Variants in RAP1GDS1 observed in about 807,000 individuals in gnomAD.
RAP1GDS1 encodes the protein Rap1 GTPase-GDP dissociation stimulator 1.
A neutral mutation model predicts 71.1 loss-of-function variants in RAP1GDS1; 35 were observed. That is an observed-to-expected ratio of 0.49 (90% CI 0.38 to 0.65). The LOEUF (loss-of-function observed/expected upper bound fraction) is 0.65, where lower values mean the gene tolerates loss of function less well. RAP1GDS1 is among the 30% of genes least tolerant of loss of function. RAP1GDS1 has a pLI of 0.00. For synonymous variants in RAP1GDS1, 229 were observed against 243.1 expected, an observed-to-expected ratio of 0.94 and a Z score of 0.54; for missense variants, 663 against 706.1, an observed-to-expected ratio of 0.94 and a Z score of 0.69.
At chr4:98,392,239 C>A (rs1332616575) in intron 6 of RAP1GDS1, 159 bp downstream of exon 6, 3 of 658,884 alleles carry the variant, frequency 4.6e-6, no homozygotes, top group Admixed American at 7.4e-5. Context: ...AAAGTAAATC[C>A]AATTAGATCT....
At chr4:98,271,402 G>T (rs545457863) in intron 1 of RAP1GDS1, among the ~76,000 whole-genome samples, 1 of 152,110 alleles carries the variant, frequency 6.6e-6, no homozygotes, top group Non-Finnish European at 1.5e-5. Context: ...GATTTGTGAT[G>T]GCTGTCAATT....
At position 98,368,428 on chromosome 4, in the gene RAP1GDS1, A is replaced by G. The variant is rs1739852838; in HGVS notation, c.362-10589A>G. 3.9e-5 allele frequency among the ~76,000 whole-genome samples: 6 copies of G among 152,182 alleles called. 1 individual carries two copies. In the South Asian group the frequency reaches 1.2e-3, roughly 32 times the overall value. Reference sequence around the variant, plus strand: ...ATGCACTGCTTTTTAATAAAAAGAGAAAGGAATGGAGATATGCCAGATTAT... The same window carrying G: ...ATGCACTGCTTTTTAATAAAAAGAGGAAGGAATGGAGATATGCCAGATTAT... On this transcript the variant is annotated intron_variant, in intron 4 of 14. Transcript: ENST00000408927.
chr4:98,325,978 C>T (rs1007549658), intron 2 of RAP1GDS1, among the ~76,000 whole-genome samples: 1 of 151,644 alleles, frequency 6.6e-6, no homozygotes, highest in Non-Finnish European at 1.5e-5. Context: ...GAATTATCAG[C>T]AGTTTACCAG....
intron 4 of RAP1GDS1, among the ~76,000 whole-genome samples, chr4:98,367,306 C>T (rs1361718162): frequency 1.3e-5 from 2 of 152,172 alleles, no homozygotes; most frequent in African/African-American, 4.8e-5. Context: ...AGTTTGGGAA[C>T]CTCCACCTAC....
intron 2 of RAP1GDS1, among the ~76,000 whole-genome samples, chr4:98,329,357 A>G (rs1004318113): frequency 6.6e-6 from 1 of 152,216 alleles, no homozygotes; most frequent in Non-Finnish European, 1.5e-5. Flanking sequence ...TGGAAACATT[A>G]TCTTTATCAT....
intron 4 of RAP1GDS1, among the ~76,000 whole-genome samples, chr4:98,368,935 G>A (rs60613860): frequency 0.17 from 26,048 of 152,060 alleles, 3,617 homozygotes; most frequent in African/African-American, 0.38. Flanking sequence ...TCACATGCTA[G>A]TCAAGACATA....
intron 5 of RAP1GDS1, among the ~76,000 whole-genome samples, chr4:98,384,754 C>G (rs569141055): frequency 6.6e-6 from 1 of 151,646 alleles, no homozygotes; most frequent in East Asian, 1.9e-4. Context: ...ATGTAAGAAG[C>G]TGAAATTTTA....
intron 4 of RAP1GDS1, among the ~76,000 whole-genome samples, chr4:98,354,353 C>T (rs187722593): frequency 2.0e-5 from 3 of 152,286 alleles, no homozygotes; most frequent in Admixed American, 6.5e-5. Flanking sequence ...TGAGCCACCG[C>T]GCCCAGCCCA....
intron 6 of RAP1GDS1, chr4:98,396,396 T>C (rs142282933): frequency 1.3e-5 from 2 of 152,320 alleles, no homozygotes; most frequent in East Asian, 1.9e-4. Flanking sequence ...CCTTGCTGAT[T>C]TCTCTGGTAT....
At chr4:98,358,052 C>T (rs1016931322) in intron 4 of RAP1GDS1, among the ~76,000 whole-genome samples, 12 of 151,972 alleles carry the variant, frequency 7.9e-5, no homozygotes, top group Middle Eastern at 3.2e-3. Context: ...TGTATAAGCA[C>T]TGATTTCACT....
chr4:98,363,197 G>A (rs1200489791), intron 4 of RAP1GDS1, among the ~76,000 whole-genome samples: 1 of 151,966 alleles, frequency 6.6e-6, no homozygotes, highest in Non-Finnish European at 1.5e-5. Context: ...TATAGAAGTA[G>A]AGTAATTGAG....
At chr4:98,391,519 T>G (rs1323482291) in intron 5 of RAP1GDS1, among the ~76,000 whole-genome samples, 3 of 152,062 alleles carry the variant, frequency 2.0e-5, no homozygotes, top group African/African-American at 7.2e-5. Context: ...GATTCTAAGA[T>G]TTTTTTCTTT....
chr4:98,303,025 G>A (rs548683031), intron 2 of RAP1GDS1, among the ~76,000 whole-genome samples: 5 of 151,664 alleles, frequency 3.3e-5, no homozygotes, highest in South Asian at 2.1e-4. Flanking sequence ...TAGCCTGGGC[G>A]GTAGAGCAAG....
At position 98,346,607 on chromosome 4, in the gene RAP1GDS1, C is replaced by T. The variant is rs759173105; in HGVS notation, c.235+3346C>T. On this transcript the variant is annotated intron_variant, in intron 3 of 14. Coordinates refer to ENST00000408927, the MANE Select transcript of RAP1GDS1 (RefSeq NM_001100427.2). The stretch of plus-strand genomic sequence containing the variant: ...TCGCCCAGGCTGGAGTGCAATGGTG[C>T]GATCTCAGCTCACTGCAAGCTCCAC... Among the ~76,000 whole-genome samples, 36 of 150,924 alleles carry T rather than the reference C, an allele frequency of 2.4e-4. 1 individual carries two copies. The highest frequency in any genetic ancestry group is 1.2e-4 in the Non-Finnish European group (8 of 67,838).
chr4:98,302,368 A>G (rs536766946), intron 2 of RAP1GDS1, among the ~76,000 whole-genome samples: 7 of 152,316 alleles, frequency 4.6e-5, no homozygotes, highest in African/African-American at 1.7e-4. Flanking sequence ...CTAAATTTCA[A>G]GGTGCCCAAG....
At chr4:98,325,428 A>G (rs1232990656) in intron 2 of RAP1GDS1, among the ~76,000 whole-genome samples, 1 of 151,778 alleles carries the variant, frequency 6.6e-6, no homozygotes, top group African/African-American at 2.4e-5. Context: ...CTGGGTATAT[A>G]CCCAAATGAC....
chr4:98,437,120 TA>T, intron 14 of RAP1GDS1, 52 bp downstream of exon 14: 1 of 1,467,144 alleles, frequency 6.8e-7, no homozygotes, highest in Non-Finnish European at 9.0e-7. Flanking sequence ...TCACATTAAA[TA>T]TTAAATATAG....
Position 98,356,232 on chromosome 4 carries a change from A to G in RAP1GDS1, c.361+3631A>G, listed in dbSNP as rs142780580. Among the ~76,000 whole-genome samples the G allele has an allele frequency of 9.3e-4, 142 of 152,244 alleles. 1 individual carries two copies. The East Asian group carries it at 0.025, about 27-fold the overall frequency. On this transcript the variant is annotated intron_variant, in intron 4 of 14. Transcript: ENST00000408927. The stretch of plus-strand genomic sequence containing the variant: ...AGCGCAGTAGTATTATATTTCAGAA[A>G]TGCATGCCTTTGGCCTATTTACACT...
At chr4:98,388,124 C>A (rs1022506127) in intron 5 of RAP1GDS1, among the ~76,000 whole-genome samples, 1 of 152,016 alleles carries the variant, frequency 6.6e-6, no homozygotes, top group Non-Finnish European at 1.5e-5. Context: ...CAAACAGGAC[C>A]CCTACTTAAT....
Sources: gnomAD v4.1 joint callset for allele counts (sites outside exome capture counted in the v4.1 genomes callset) on GRCh38, gnomAD v4.1.1 for gene constraint, MANE v1.5 for transcripts, NCBI Gene and HGNC (gene_info 2026-07-23, HGNC 2026-07-21) for gene names.